KDM6A: variants seen among roughly 807,000 people sequenced by gnomAD.
KDM6A encodes lysine demethylase 6A, also known as lysine-specific demethylase 6A.
Under a neutral mutation model 117.6 loss-of-function variants are expected in KDM6A, and 11 were observed. That is an observed-to-expected ratio of 0.09 (90% CI 0.06 to 0.15). The LOEUF (loss-of-function observed/expected upper bound fraction) is 0.15. Ranked by LOEUF, KDM6A falls within the 10% of genes least tolerant of loss-of-function variation. KDM6A has a pLI of 1.00. For missense variants in KDM6A, 799 were observed against 1,077.3 expected (o/e 0.74, Z 3.62); for synonymous variants, 384 against 396.1 (o/e 0.97, Z 0.36).
chrX:45,103,696 C>A (rs979280318), intron 27 of KDM6A, among the ~76,000 whole-genome samples: 1 of 112,044 alleles, frequency 8.9e-6, no homozygotes, highest in African/African-American at 3.2e-5. Context: ...CTTTGCAGAT[C>A]ACTTTTTGGT....
intron 4 of KDM6A, among the ~76,000 whole-genome samples, chrX:44,992,376 C>T (rs2040656316): frequency 9.4e-6 from 1 of 106,603 alleles, no homozygotes; most frequent in Non-Finnish European, 1.9e-5. Flanking sequence ...AGGCATGCGC[C>T]ACCACTTCTG....
intron 18 of KDM6A, 62 bp downstream of exon 18, chrX:45,070,419 G>A (rs2148059841): frequency 1.3e-5 from 14 of 1,052,349 alleles, no homozygotes; most frequent in Non-Finnish European, 1.8e-5. Flanking sequence ...TCAGAATGCT[G>A]AAATTTGGAC....
chrX:45,041,179 C>A lies in KDM6A; in HGVS notation c.654+3490C>A, dbSNP rs780463664. Among the ~76,000 whole-genome samples, 83 of 81,763 alleles carry A rather than the reference C, an allele frequency of 1.0e-3. 4 individuals are homozygous for A. Among genetic ancestry groups the A allele is most frequent in the African/African-American group, 4.9e-3 (79 of 16,196 alleles). The allele number at this position is 81,763 out of a possible 115,157, so 71.0% of individuals were successfully genotyped here. A position where few individuals can be genotyped will look rare whatever the true frequency, so the allele number is the denominator to read the frequency against. On this transcript the variant is annotated intron_variant, in intron 8 of 29. Transcript: ENST00000611820. The stretch of plus-strand genomic sequence containing the variant: ...GCGGCTGGCCGGGCAGGGGGCTGAC[C>A]CCCCCCTCCCCCCTCCCGGACGGGG...
chrX:44,977,752 G>A (rs2039685004), intron 4 of KDM6A, among the ~76,000 whole-genome samples: 1 of 111,935 alleles, frequency 8.9e-6, no homozygotes. Context: ...AGTTTGATAG[G>A]TGAGAAATGG....
At chrX:45,051,087 G>A (rs982866339) in intron 8 of KDM6A, among the ~76,000 whole-genome samples, 8 of 111,328 alleles carry the variant, frequency 7.2e-5, no homozygotes, top group African/African-American at 2.6e-4. Context: ...TCGGCTCACC[G>A]CAACCTCCGC....
chrX:44,958,588 G>C (rs1457715620), intron 2 of KDM6A, among the ~76,000 whole-genome samples: 3 of 103,488 alleles, frequency 2.9e-5, no homozygotes, highest in African/African-American at 1.1e-4. Flanking sequence ...ATTCTGTGTG[G>C]GACAACTATA....
intron 18 of KDM6A, among the ~76,000 whole-genome samples, chrX:45,074,467 C>T (rs2045019925): frequency 8.9e-6 from 1 of 111,978 alleles, no homozygotes; most frequent in Non-Finnish European, 1.9e-5. Flanking sequence ...ATTTGCTATG[C>T]AGAGCACTAT....
At chrX:45,111,215 T>G (rs1198648427) in intron 29 of KDM6A, among the ~76,000 whole-genome samples, 167 bp from the exon 30 acceptor site, 1 of 111,166 alleles carries the variant, frequency 9.0e-6, no homozygotes, top group East Asian at 2.8e-4. Context: ...TTAGGAAGAT[T>G]GGCTGAATGG....
At chrX:44,956,840 C>T (rs970330489) in intron 2 of KDM6A, among the ~76,000 whole-genome samples, 27 of 111,006 alleles carry the variant, frequency 2.4e-4, no homozygotes, top group Non-Finnish European at 4.3e-4. Context: ...TTAAAAATTA[C>T]GGGTAGGGCT....
At chrX:44,984,636 C>G (rs1245929406) in intron 4 of KDM6A, among the ~76,000 whole-genome samples, 2 of 111,613 alleles carry the variant, frequency 1.8e-5, no homozygotes, top group African/African-American at 3.3e-5. Context: ...ATATGGCTAG[C>G]CAGTTTTCCC....
chrX:44,912,833 AT>A (rs1205733460), intron 2 of KDM6A, among the ~76,000 whole-genome samples: 1 of 112,298 alleles, frequency 8.9e-6, no homozygotes, highest in Non-Finnish European at 1.9e-5. Context: ...CATATTGATT[AT>A]TATATTGTAA....
chrX:44,988,588 A>T (rs1423960194), intron 4 of KDM6A, among the ~76,000 whole-genome samples: 1 of 110,599 alleles, frequency 9.0e-6, no homozygotes, highest in African/African-American at 3.3e-5. Flanking sequence ...TGGGGTTTTG[A>T]TGTGGATGTC....
At chrX:45,031,529 A>G (rs754257766) in intron 6 of KDM6A, among the ~76,000 whole-genome samples, 1 of 112,370 alleles carries the variant, frequency 8.9e-6, no homozygotes, top group East Asian at 2.8e-4. Flanking sequence ...AATAGCTTGC[A>G]TAAGTTTTTT....
At chrX:44,892,282 G>A (rs2033428334) in intron 2 of KDM6A, among the ~76,000 whole-genome samples, 1 of 112,131 alleles carries the variant, frequency 8.9e-6, no homozygotes, top group Admixed American at 9.5e-5. Flanking sequence ...TTCGAGGCCG[G>A]GTACGGTGGC....
chrX:44,996,190 A>G (rs1339991100), intron 4 of KDM6A, among the ~76,000 whole-genome samples: 1 of 110,374 alleles, frequency 9.1e-6, no homozygotes, highest in Non-Finnish European at 1.9e-5. Context: ...AGTCCTTTTT[A>G]GCCTCTCAAG....
chrX:44,877,451 C>G (rs994589110), intron 2 of KDM6A, among the ~76,000 whole-genome samples: 1 of 110,008 alleles, frequency 9.1e-6, no homozygotes, highest in Non-Finnish European at 1.9e-5. Context: ...TTTAAAATTT[C>G]AGTGGAGTTA....
At chrX:44,902,895 A>G (rs760198154) in intron 2 of KDM6A, among the ~76,000 whole-genome samples, 5 of 111,894 alleles carry the variant, frequency 4.5e-5, no homozygotes, top group Non-Finnish European at 9.4e-5. Context: ...TGTGACAAAA[A>G]GCAGTAGGGC....
At chrX:44,907,280 T>TTTG (rs912974679) in intron 2 of KDM6A, among the ~76,000 whole-genome samples, 12 of 111,126 alleles carry the variant, frequency 1.1e-4, no homozygotes, top group African/African-American at 3.3e-5. Context: ...AGTTCCTTTT[T>TTTG]TTGTTGTTGT....
intron 4 of KDM6A, among the ~76,000 whole-genome samples, chrX:45,003,394 CTTT>C (rs397896934): frequency 0.078 from 5,865 of 75,483 alleles, 553 homozygotes; most frequent in African/African-American, 0.25. Context: ...AATTATCCTT[CTTT>C]TTTTTTTTTT....
Sources: allele counts gnomAD v4.1 joint callset (sites outside exome capture counted in the v4.1 genomes callset), GRCh38; gene constraint gnomAD v4.1.1; transcripts MANE v1.5; gene names NCBI Gene and HGNC (gene_info 2026-07-23, HGNC 2026-07-21).